The following SUMF1 variants were observed in gnomAD, a reference collection of about 807,000 sequenced individuals.
SUMF1 encodes the protein sulfatase modifying factor 1, also known as formylglycine-generating enzyme.
A neutral mutation model predicts 47.6 loss-of-function variants in SUMF1; 48 were observed. The observed-to-expected ratio is 1.01, with a 90% CI of 0.80 to 1.28. The LOEUF (loss-of-function observed/expected upper bound fraction) is 1.28, where lower values mean the gene tolerates loss of function less well. SUMF1 is among the 50% of genes most tolerant of loss of function. The probability of loss-of-function intolerance (pLI) is 0.00; values close to 1 mark genes in which losing one functional copy is unlikely to be tolerated. For synonymous variants in SUMF1, 230 were observed against 192.1 expected (o/e 1.20, Z -1.63); for missense variants, 571 against 485.4 (o/e 1.18, Z -1.66).
intron 8 of SUMF1, among the ~76,000 whole-genome samples, chr3:4,206,208 C>T (rs1695649801): frequency 6.6e-6 from 1 of 151,620 alleles, no homozygotes; most frequent in Admixed American, 6.6e-5. Flanking sequence ...GAGCTGCAAG[C>T]TGTGTTGACT....
chr3:4,149,822 G>A (rs745924241), intron 8 of SUMF1, among the ~76,000 whole-genome samples: 1 of 152,134 alleles, frequency 6.6e-6, no homozygotes, highest in Non-Finnish European at 1.5e-5. Flanking sequence ...GCAGAGTGGT[G>A]ATGAATAGGG....
At chr3:4,452,735 T>A (rs1167315986) in intron 2 of SUMF1, 141 bp downstream of exon 2, 28 of 1,063,538 alleles carry the variant, frequency 2.6e-5, no homozygotes, top group Non-Finnish European at 3.8e-5. Flanking sequence ...GAAATTAAGA[T>A]GAAATATATA....
At chr3:4,104,814 T>C (rs929308440) in intron 8 of SUMF1, among the ~76,000 whole-genome samples, 2 of 152,070 alleles carry the variant, frequency 1.3e-5, no homozygotes, top group African/African-American at 4.8e-5. Context: ...TTGCTTCTTT[T>C]TCTATGCTCA....
intron 3 of SUMF1, among the ~76,000 whole-genome samples, chr3:4,428,732 C>A (rs1426639884): frequency 4.7e-5 from 7 of 150,422 alleles, no homozygotes; most frequent in African/African-American, 1.7e-4. Flanking sequence ...TTAGTTTTTT[C>A]TTTTAATGGA....
At chr3:4,122,574 GA>G (rs1056994568) in intron 8 of SUMF1, among the ~76,000 whole-genome samples, 10 of 152,198 alleles carry the variant, frequency 6.6e-5, no homozygotes, top group Non-Finnish European at 1.2e-4. Context: ...TCACCTCAAT[GA>G]AAAAAACTCA....
chr3:4,423,305 C>CACACACACACAT (rs1170812532), intron 3 of SUMF1, among the ~76,000 whole-genome samples: 3 of 152,078 alleles, frequency 2.0e-5, no homozygotes, highest in African/African-American at 7.2e-5. Flanking sequence ...CACACACACA[C>CACACACACACAT]ACACACACAC....
At chr3:4,457,107 T>G (rs2079679986) in intron 1 of SUMF1, among the ~76,000 whole-genome samples, 1 of 149,204 alleles carries the variant, frequency 6.7e-6, no homozygotes, top group Non-Finnish European at 1.5e-5. Context: ...TTTTTTGTTT[T>G]GTTTTGTTTT....
At position 4,213,249 on chromosome 3, in the gene SUMF1, G is replaced by A. The variant is rs62258065; in HGVS notation, c.1015-144504C>T. Reference sequence around the variant, plus strand: ...CCCTACAAGCCAGAAGAGAGTGGGGGCCAATATTCAACATTCTTAAAGAAA... The same window carrying A: ...CCCTACAAGCCAGAAGAGAGTGGGGACCAATATTCAACATTCTTAAAGAAA... On this transcript the variant is annotated intron_variant and NMD_transcript_variant, in intron 8 of 12. Coordinates refer to the SUMF1 transcript ENST00000448413. Among the ~76,000 whole-genome samples, 699 of 152,226 alleles carry A rather than the reference G, an allele frequency of 4.6e-3. 1 individual carries two copies. The highest frequency in any genetic ancestry group is 6.7e-3 in the Non-Finnish European group (457 of 68,002).
chr3:4,113,540 A>C (rs998004297), intron 8 of SUMF1, among the ~76,000 whole-genome samples: 3 of 151,252 alleles, frequency 2.0e-5, no homozygotes, highest in Admixed American at 6.6e-5. Context: ...CCCCACCCCC[A>C]AAAAAGAAAG....
intron 7 of SUMF1, among the ~76,000 whole-genome samples, chr3:4,393,483 C>T (rs1700942426): frequency 6.6e-6 from 1 of 152,078 alleles, no homozygotes; most frequent in Non-Finnish European, 1.5e-5. Context: ...CAGGCATATG[C>T]CACCACACTC....
chr3:4,065,748 C>T (rs897044314), intron 9 of SUMF1, among the ~76,000 whole-genome samples: 2 of 152,050 alleles, frequency 1.3e-5, no homozygotes, highest in Non-Finnish European at 2.9e-5. Flanking sequence ...AACAACCCAG[C>T]AAGGCAGGAA....
chr3:4,054,078 A>G (rs1189429272), intron 9 of SUMF1, among the ~76,000 whole-genome samples: 1 of 152,168 alleles, frequency 6.6e-6, no homozygotes, highest in Admixed American at 6.6e-5. Context: ...CTGAGAAATA[A>G]TAAGAGCCAA....
intron 8 of SUMF1, among the ~76,000 whole-genome samples, chr3:4,085,338 G>C (rs1559457903): frequency 6.6e-6 from 1 of 152,084 alleles, no homozygotes; most frequent in African/African-American, 2.4e-5. Flanking sequence ...AGAGCCTAGA[G>C]TTTTGGTTTT....
chr3:4,328,549 C>G (rs903696738), intron 8 of SUMF1, among the ~76,000 whole-genome samples: 1 of 152,152 alleles, frequency 6.6e-6, no homozygotes, highest in Non-Finnish European at 1.5e-5. Context: ...TCTCATGAGA[C>G]TTGTTCACTA....
chr3:4,079,370 G>A (rs774249586), intron 8 of SUMF1, among the ~76,000 whole-genome samples: 4 of 152,028 alleles, frequency 2.6e-5, no homozygotes, highest in Non-Finnish European at 5.9e-5. Context: ...GGTAGTAGAT[G>A]CCTGGAGTGA....
At chr3:4,142,384 C>A (rs950672610) in intron 8 of SUMF1, among the ~76,000 whole-genome samples, 3 of 152,144 alleles carry the variant, frequency 2.0e-5, no homozygotes, top group African/African-American at 7.2e-5. Context: ...TGTATAGTCA[C>A]ATGCCCTCAC....
chr3:4,198,578 T>C (rs890072626), intron 8 of SUMF1, among the ~76,000 whole-genome samples: 2 of 152,138 alleles, frequency 1.3e-5, no homozygotes, highest in Non-Finnish European at 2.9e-5. Flanking sequence ...AACCCACAAC[T>C]GTAGCCTTCT....
chr3:4,378,944 A>C (rs1030040092), intron 7 of SUMF1, among the ~76,000 whole-genome samples: 1 of 152,200 alleles, frequency 6.6e-6, no homozygotes, highest in Non-Finnish European at 1.5e-5. Context: ...TTCATCATCA[A>C]CTTCAATGAA....
At chr3:4,209,251 A>G (rs1398918032) in intron 8 of SUMF1, among the ~76,000 whole-genome samples, 2 of 152,190 alleles carry the variant, frequency 1.3e-5, no homozygotes, top group Admixed American at 6.5e-5. Flanking sequence ...ACTCTACTAT[A>G]AAGATTTTTA....
Sources: allele counts gnomAD v4.1 joint callset (sites outside exome capture counted in the v4.1 genomes callset), GRCh38; gene constraint gnomAD v4.1.1; transcripts MANE v1.5; gene names NCBI Gene and HGNC (gene_info 2026-07-23, HGNC 2026-07-21).